Variants in HNRNPA2B1 observed in about 807,000 individuals in gnomAD.
The protein encoded by HNRNPA2B1 is heterogeneous nuclear ribonucleoproteins A2/B1.
Under a neutral mutation model 46.3 loss-of-function variants are expected in HNRNPA2B1, and 3 were observed. The observed-to-expected ratio is 0.06, with a 90% CI of 0.03 to 0.17. HNRNPA2B1 has a LOEUF of 0.17. HNRNPA2B1 is among the 10% of genes least tolerant of loss of function. The pLI is 1.00. For synonymous variants in HNRNPA2B1, 225 were observed against 133.8 expected (o/e 1.68, Z -4.70); for missense variants, 221 against 418.9 (o/e 0.53, Z 4.12).
rs1583954151 is a variant in HNRNPA2B1 at position 26,190,367 on chromosome 7, C to A, written c.*1993G>T. 6.6e-6 allele frequency: 1 copy of A among 152,574 alleles called. No individual in the cohort carries two copies. Among genetic ancestry groups the A allele is most frequent in the African/African-American group, 2.4e-5 (1 of 41,430 alleles). 9.5% of individuals were successfully genotyped at this position (152,574 alleles called of 1,614,324 possible). A position where few individuals can be genotyped will look rare whatever the true frequency, so the allele number is the denominator to read the frequency against. Reference sequence around the variant, plus strand: ...AGTGCTTTTTAAATGAAGGCACCAACAAGAACTACTTTCAGATGGTACAGA... The same window carrying A: ...AGTGCTTTTTAAATGAAGGCACCAAAAAGAACTACTTTCAGATGGTACAGA... On this transcript the variant is annotated 3_prime_UTR_variant, in exon 11 of 11. Transcript: ENST00000618183.
In HNRNPA2B1 at chr7:26,200,063, T is replaced by C. The variant is rs1562728045; in HGVS notation, c.6+509A>G. On this transcript the variant is annotated intron_variant, in intron 1 of 10. Transcript: ENST00000618183. Reference sequence around the variant, plus strand: ...AAAAATAGTTAACCACTTCTACTTCTTGATAGAGAAAGCACACTAAGAAAA... The same window carrying C: ...AAAAATAGTTAACCACTTCTACTTCCTGATAGAGAAAGCACACTAAGAAAA... 7 of 166,356 alleles carry C rather than the reference T, an allele frequency of 4.2e-5. No homozygotes were observed. The South Asian group carries it at 8.5e-4, about 20-fold the overall frequency. The allele number at this position is 166,356 out of a possible 1,614,324, so 10.3% of individuals were successfully genotyped here.
At chr7:26,198,512 A>C (rs972790293) in intron 1 of HNRNPA2B1, 8 of 152,236 alleles carry the variant, frequency 5.3e-5, no homozygotes, top group African/African-American at 1.9e-4. Context: ...CCATATGTAC[A>C]ATAAAATACA....
At chr7:26,196,327 C>T (rs907164038) in intron 6 of HNRNPA2B1, 74 bp downstream of exon 6, 3 of 1,215,276 alleles carry the variant, frequency 2.5e-6, no homozygotes, top group Non-Finnish European at 3.5e-6. Context: ...TTTCTTGATT[C>T]TACTAATGAA....
At chr7:26,200,362 G>T (rs1242082326) in intron 1 of HNRNPA2B1, 2 of 627,956 alleles carry the variant, frequency 3.2e-6, no homozygotes, top group Non-Finnish European at 5.7e-6. Flanking sequence ...CCCAGTGAAG[G>T]GAAATGGCGC....
At chr7:26,200,476 G>A in intron 1 of HNRNPA2B1, 96 bp downstream of exon 1, 1 of 1,250,314 alleles carries the variant, frequency 8.0e-7, no homozygotes. Context: ...CCGATTTCCT[G>A]CCTCTCTCCC....
At chr7:26,195,984 C>T in intron 6 of HNRNPA2B1, 75 bp from the exon 7 acceptor site, 1 of 1,518,226 alleles carries the variant, frequency 6.6e-7, no homozygotes, top group Non-Finnish European at 8.8e-7. Flanking sequence ...TTTCAGTTCT[C>T]TTACTACCTC....
intron 7 of HNRNPA2B1, 130 bp downstream of exon 7, chr7:26,195,717 C>T: frequency 2.1e-6 from 2 of 967,526 alleles, no homozygotes; most frequent in East Asian, 2.8e-5. Context: ...AATAACTGGA[C>T]CACTATCACC....
At chr7:26,199,155 A>G (rs545561581) in intron 1 of HNRNPA2B1, 1 of 152,710 alleles carries the variant, frequency 6.5e-6, no homozygotes, top group South Asian at 2.1e-4. Flanking sequence ...AAGTTTTACA[A>G]ATCACTAACA....
chr7:26,193,519 G>A (rs1783146162), intron 8 of HNRNPA2B1, 56 bp downstream of exon 8: 4 of 1,558,608 alleles, frequency 2.6e-6, no homozygotes, highest in Non-Finnish European at 3.5e-6. Flanking sequence ...AAGATCAAGT[G>A]TTACAAAGAC....
At chr7:26,195,034 C>T (rs887993826) in intron 7 of HNRNPA2B1, among the ~76,000 whole-genome samples, 1 of 138,570 alleles carries the variant, frequency 7.2e-6, no homozygotes, top group Non-Finnish European at 1.5e-5. Flanking sequence ...GCAGAGATTG[C>T]AGTGAGCAGA....
At chr7:26,196,781 C>A (rs369470213) in intron 4 of HNRNPA2B1, 26 bp downstream of exon 4, 137 of 1,598,828 alleles carry the variant, frequency 8.6e-5, no homozygotes, top group Non-Finnish European at 1.1e-4. Context: ...TGGAAAAAAA[C>A]AGTACATTTG....
Position 26,197,396 on chromosome 7 carries a change from A to T in HNRNPA2B1, c.183T>A (p.Ala61=). Residue 61 remains alanine (A), a synonymous_variant, in exon 3 of 11, where the codon GCT becomes GCA. Coordinates refer to ENST00000618183, the MANE Select transcript of HNRNPA2B1 (RefSeq NM_002137.4). ...TTGCAGCCATGGCAGCATCAACCTC[A>T]GCCATGGATGAAAAAGTTACAAAAC... is the stretch of plus-strand genomic sequence containing the variant. ...GFGFVTFSSM[A]EVDAAMAARP... 1.2e-6 allele frequency: 2 copies of T among 1,614,038 alleles called. No individual in the cohort carries two copies.
In HNRNPA2B1 at chr7:26,195,555, C is replaced by G. The variant is rs1332519626; in HGVS notation, c.721+292G>C. Among the ~76,000 whole-genome samples the G allele has an allele frequency of 2.0e-5, 3 of 152,156 alleles. No homozygotes were observed. The East Asian group carries it at 5.8e-4, about 29-fold the overall frequency. Reference sequence around the variant, plus strand: ...ACTCTGTTAAATCCAGTATTCTGTACTTTTCCAGAGAAGCACGTACAAAGA... The same window carrying G: ...ACTCTGTTAAATCCAGTATTCTGTAGTTTTCCAGAGAAGCACGTACAAAGA... On this transcript the variant is annotated intron_variant, in intron 7 of 10. Coordinates refer to ENST00000618183, the MANE Select transcript of HNRNPA2B1 (RefSeq NM_002137.4).
intron 3 of HNRNPA2B1, 136 bp from the exon 4 acceptor site, chr7:26,197,153 G>T: frequency 8.8e-7 from 1 of 1,139,886 alleles, no homozygotes; most frequent in Non-Finnish European, 1.3e-6. Flanking sequence ...TAGGGACCTA[G>T]CTTTTGAAAA....
At chr7:26,197,185 G>C in intron 3 of HNRNPA2B1, 130 bp downstream of exon 3, 3 of 1,231,878 alleles carry the variant, frequency 2.4e-6, no homozygotes, top group Non-Finnish European at 3.4e-6. Flanking sequence ...TAAGAAAATG[G>C]TCCAGAAACC....
chr7:26,195,525 G>A (rs909415425), intron 7 of HNRNPA2B1, among the ~76,000 whole-genome samples: 3 of 152,016 alleles, frequency 2.0e-5, no homozygotes, highest in Non-Finnish European at 4.4e-5. Context: ...ACCCCCTTAG[G>A]TTTTACTCTG....
Position 26,197,478 on chromosome 7 carries a change from T to A in HNRNPA2B1, c.118-17A>T. On this transcript the variant is annotated splice_polypyrimidine_tract_variant and intron_variant, in intron 2 of 10. Coordinates refer to ENST00000618183, the MANE Select transcript of HNRNPA2B1 (RefSeq NM_002137.4). ...CCTCATTACCTTTCAAACCAAAGGG[T>A]AAACTTTAGCATTTAATCTCATTAT... 1 of 1,611,834 alleles carries A rather than the reference T, an allele frequency of 6.2e-7. No homozygotes were observed. The highest frequency in any genetic ancestry group is 8.5e-7 in the Non-Finnish European group (1 of 1,178,880).
chr7:26,195,018 G>A (rs528131174), intron 7 of HNRNPA2B1, among the ~76,000 whole-genome samples: 32 of 149,530 alleles, frequency 2.1e-4, no homozygotes, highest in Middle Eastern at 3.5e-3. Context: ...CACTTGGACC[G>A]GGAAGGCAGA....
intron 7 of HNRNPA2B1, 79 bp downstream of exon 7, chr7:26,195,768 C>G (rs1783514260): frequency 2.0e-6 from 3 of 1,483,662 alleles, no homozygotes; most frequent in South Asian, 1.3e-5. Flanking sequence ...TTTAAAAACT[C>G]AAAATATAAA....
Sources: allele counts gnomAD v4.1 joint callset (sites outside exome capture counted in the v4.1 genomes callset), GRCh38; gene constraint gnomAD v4.1.1; transcripts MANE v1.5; gene names NCBI Gene and HGNC (gene_info 2026-07-23, HGNC 2026-07-21).